CAMTA1: variants seen among roughly 807,000 people sequenced by gnomAD.
The protein encoded by CAMTA1 is calmodulin-binding transcription activator 1.
Under a neutral mutation model 170.9 loss-of-function variants are expected in CAMTA1, and 27 were observed. The ratio of observed to expected loss-of-function variants is 0.16; its 90% CI spans 0.12 to 0.22. The LOEUF is 0.22. CAMTA1 is among the 10% of genes least tolerant of loss of function. The pLI, the probability that CAMTA1 is intolerant of heterozygous loss-of-function variation, is 1.00. For missense variants in CAMTA1, 1,619 were observed against 2,217.2 expected, an observed-to-expected ratio of 0.73 and a Z score of 5.42; for synonymous variants, 833 against 891.5, an observed-to-expected ratio of 0.93 and a Z score of 1.17.
intron 3 of CAMTA1, chr1:6,834,615 CTGT>C (rs2148625544): frequency 6.1e-6 from 1 of 164,838 alleles, no homozygotes; most frequent in African/African-American, 2.4e-5. Flanking sequence ...CATCTCACTT[CTGT>C]GGCTGAGACC....
Position 6,799,380 on chromosome 1 carries a change from A to T in CAMTA1, c.45+13805A>T, listed in dbSNP as rs1215605282. ...CGCTGTGCCTGGCTTGTACTCTTTC[A>T]CTAGCTGGGAATGCTGGTGAGCAGG... On this transcript the variant is annotated intron_variant, in intron 1 of 22. Transcript: ENST00000303635. Among the ~76,000 whole-genome samples the T allele has an allele frequency of 2.0e-5, 3 of 152,312 alleles. No individual in the cohort carries two copies. The East Asian group carries it at 5.8e-4, about 29-fold the overall frequency.
chr1:7,072,210 C>T (rs1408489368), intron 3 of CAMTA1, among the ~76,000 whole-genome samples: 1 of 152,186 alleles, frequency 6.6e-6, no homozygotes, highest in Non-Finnish European at 1.5e-5. Context: ...TACTTGGTTC[C>T]ATTAGCCACA....
At chr1:7,127,039 G>A (rs990085702) in intron 4 of CAMTA1, among the ~76,000 whole-genome samples, 5 of 152,082 alleles carry the variant, frequency 3.3e-5, no homozygotes, top group African/African-American at 4.8e-5. Context: ...AAAGCGCTGG[G>A]ATTACAGGCA....
At chr1:6,834,240 T>C (rs911080585) in intron 3 of CAMTA1, 3 of 150,982 alleles carry the variant, frequency 2.0e-5, no homozygotes, top group Non-Finnish European at 4.4e-5. Context: ...ATTTATAAAT[T>C]TAAAAATTTA....
intron 6 of CAMTA1, among the ~76,000 whole-genome samples, chr1:7,566,836 G>C (rs894429337): frequency 6.6e-6 from 1 of 152,220 alleles, no homozygotes; most frequent in African/African-American, 2.4e-5. Flanking sequence ...GCCCCAGATT[G>C]GCACTAGGAG....
intron 4 of CAMTA1, among the ~76,000 whole-genome samples, chr1:7,149,803 C>T (rs1001238053): frequency 1.3e-5 from 2 of 152,138 alleles, no homozygotes; most frequent in African/African-American, 4.8e-5. Context: ...GCCGACGGTG[C>T]CCAGGGTAAG....
intron 6 of CAMTA1, among the ~76,000 whole-genome samples, chr1:7,598,790 GT>G (rs1417239242): frequency 6.6e-6 from 1 of 152,076 alleles, no homozygotes; most frequent in African/African-American, 2.4e-5. Context: ...GGGGTTGTTT[GT>G]TTTTTTCTTG....
At chr1:7,381,229 G>A (rs1339304306) in intron 5 of CAMTA1, among the ~76,000 whole-genome samples, 1 of 151,356 alleles carries the variant, frequency 6.6e-6, no homozygotes, top group Non-Finnish European at 1.5e-5. Flanking sequence ...ACGTATACAT[G>A]TGCCATGCTG....
rs1038538904 is a variant in CAMTA1 at position 7,443,547 on chromosome 1, T to G, written c.439-24283T>G. On this transcript the variant is annotated intron_variant, in intron 5 of 22. Coordinates refer to ENST00000303635, the MANE Select transcript of CAMTA1 (RefSeq NM_015215.4). The surrounding 1 kb of genome is among the most constrained non-coding windows in gnomAD (Gnocchi z 4.1). ...ACTGATTGAGCTTCTGCTTGGCATA[T>G]GGCCCTGCTAGGGCACTGGGAACCC... 6.6e-6 allele frequency among the ~76,000 whole-genome samples: 1 copy of G among 152,066 alleles called. No individual in the cohort carries two copies. Among genetic ancestry groups the G allele is most frequent in the Non-Finnish European group, 1.5e-5 (1 of 68,004 alleles).
At chr1:6,986,053 T>A (rs961851597) in intron 3 of CAMTA1, among the ~76,000 whole-genome samples, 34 of 152,184 alleles carry the variant, frequency 2.2e-4, no homozygotes, top group African/African-American at 7.7e-4. Context: ...TACAAGGTGG[T>A]TCCTCGGGAC....
intron 11 of CAMTA1, among the ~76,000 whole-genome samples, chr1:7,731,837 C>T (rs1488713957): frequency 6.6e-6 from 1 of 152,106 alleles, no homozygotes; most frequent in Non-Finnish European, 1.5e-5. Flanking sequence ...TAGATCACAC[C>T]AATGCACTCC....
intron 3 of CAMTA1, among the ~76,000 whole-genome samples, chr1:6,980,783 C>T (rs938460425): frequency 1.3e-5 from 2 of 152,198 alleles, no homozygotes; most frequent in Non-Finnish European, 2.9e-5. Context: ...CCGCCATGAT[C>T]ATGAGGCCTC....
Position 7,067,807 on chromosome 1 carries a change from T to G in CAMTA1, c.235-23497T>G, listed in dbSNP as rs940742214. On this transcript the variant is annotated intron_variant, in intron 3 of 22. Transcript: ENST00000303635. The surrounding 1 kb of genome is among the most constrained non-coding windows in gnomAD (Gnocchi z 4.3). ...CAGGGCCCTCTCCAGTCCCAGGGGATAAACCTAGATCCGTCTAAGCCCATC... is the reference window on the plus strand; with the variant it reads ...CAGGGCCCTCTCCAGTCCCAGGGGAGAAACCTAGATCCGTCTAAGCCCATC... 1.3e-5 allele frequency among the ~76,000 whole-genome samples: 2 copies of G among 152,154 alleles called. No homozygotes were observed. The highest frequency in any genetic ancestry group is 4.8e-5 in the African/African-American group (2 of 41,418).
intron 5 of CAMTA1, among the ~76,000 whole-genome samples, chr1:7,314,723 T>C (rs1253424371): frequency 6.6e-6 from 1 of 152,180 alleles, no homozygotes; most frequent in African/African-American, 2.4e-5. Flanking sequence ...TGATTTCATG[T>C]GCTATTGACA....
chr1:7,438,656 C>T (rs1001951563), intron 5 of CAMTA1, among the ~76,000 whole-genome samples: 3 of 152,208 alleles, frequency 2.0e-5, no homozygotes, highest in African/African-American at 7.2e-5. Context: ...GTGGCCCCAA[C>T]ATCTGTCTCC....
intron 5 of CAMTA1, among the ~76,000 whole-genome samples, chr1:7,296,800 A>G (rs907813261): frequency 7.5e-6 from 1 of 133,022 alleles, no homozygotes; most frequent in African/African-American, 2.8e-5. Context: ...GTAGTCATTA[A>G]TCACGGATGA....
At chr1:6,945,403 C>T (rs932889902) in intron 3 of CAMTA1, among the ~76,000 whole-genome samples, 2 of 152,002 alleles carry the variant, frequency 1.3e-5, no homozygotes, top group African/African-American at 4.8e-5. Context: ...GGCTGGAGTG[C>T]AGTGGTACAA....
At chr1:7,654,731 CCACACACCTATACACACACA>C (rs2095870172) in intron 7 of CAMTA1, among the ~76,000 whole-genome samples, 1 of 121,912 alleles carries the variant, frequency 8.2e-6, no homozygotes. Flanking sequence ...ATACACACAC[CCACACACCTATACACACACA>C]TATACAAACA....
intron 1 of CAMTA1, among the ~76,000 whole-genome samples, chr1:6,794,465 A>G (rs184596530): frequency 5.3e-5 from 8 of 152,356 alleles, no homozygotes; most frequent in Admixed American, 3.9e-4. Flanking sequence ...TCTTCTTTTT[A>G]AAATGTTTAT....
Sources: gnomAD v4.1 joint callset for allele counts (sites outside exome capture counted in the v4.1 genomes callset) on GRCh38, gnomAD v4.1.1 for gene constraint, Gnocchi (gnomAD v3.1) non-coding constraint, MANE v1.5 for transcripts, NCBI Gene and HGNC (gene_info 2026-07-23, HGNC 2026-07-21) for gene names.